Variants in TSPAN9 observed in about 807,000 individuals in gnomAD.
TSPAN9 encodes tetraspanin-9.
TSPAN9 carries 16 observed loss-of-function variants against 31.0 expected under a neutral mutation model. The observed-to-expected ratio is 0.52, with a 90% CI of 0.35 to 0.78. TSPAN9 has a LOEUF of 0.78. Ranked by LOEUF, TSPAN9 falls within the 30% of genes least tolerant of loss-of-function variation. TSPAN9 has a pLI of 0.01. For missense variants in TSPAN9, 272 were observed against 312.5 expected (o/e 0.87, Z 0.98); for synonymous variants, 145 against 121.6 (o/e 1.19, Z -1.27).
At chr12:3,142,270 A>G (rs1000990067) in intron 2 of TSPAN9, among the ~76,000 whole-genome samples, 1 of 152,118 alleles carries the variant, frequency 6.6e-6, no homozygotes, top group Admixed American at 6.5e-5. Context: ...GTCCCCACCC[A>G]GCCACACCAC....
At position 3,145,996 on chromosome 12, in the gene TSPAN9, C is replaced by T. The variant is rs530642712; in HGVS notation, c.-17-55181C>T. Reference sequence around the variant, plus strand: ...GAGCGAGCCACGGGGCACGCGGGGCCTGGCGGTGGCCTTCCACCACGAGGC... The same window carrying T: ...GAGCGAGCCACGGGGCACGCGGGGCTTGGCGGTGGCCTTCCACCACGAGGC... On this transcript the variant is annotated intron_variant, in intron 2 of 8. Coordinates refer to ENST00000011898, the MANE Select transcript of TSPAN9 (RefSeq NM_006675.5). 1.6e-3 allele frequency among the ~76,000 whole-genome samples: 248 copies of T among 152,358 alleles called. 1 individual carries two copies. Among genetic ancestry groups the T allele is most frequent in the African/African-American group, 5.5e-3 (228 of 41,580 alleles).
intron 3 of TSPAN9, among the ~76,000 whole-genome samples, chr12:3,205,833 G>A: frequency 6.6e-6 from 1 of 152,166 alleles, no homozygotes; most frequent in Non-Finnish European, 1.5e-5. Context: ...AAGGGGGACA[G>A]GTGCGGGGCC....
chr12:3,146,826 A>G (rs975426926), intron 2 of TSPAN9, among the ~76,000 whole-genome samples: 8 of 151,872 alleles, frequency 5.3e-5, no homozygotes, highest in Non-Finnish European at 1.0e-4. Flanking sequence ...CTGGGAGGAG[A>G]ATGGTGGTGG....
At chr12:3,098,797 CTGGAGTGCAG>C (rs1565574931) in intron 2 of TSPAN9, among the ~76,000 whole-genome samples, 1 of 150,872 alleles carries the variant, frequency 6.6e-6, no homozygotes, top group Non-Finnish European at 1.5e-5. Context: ...GTTGCCCAGC[CTGGAGTGCAG>C]TGGAGTGATC....
Position 3,158,721 on chromosome 12 carries a change from C to CAAAAA in TSPAN9, c.-17-42438_-17-42434dup, listed in dbSNP as rs765787475. Among the ~76,000 whole-genome samples, 137 of 57,772 alleles carry CAAAAA rather than the reference C, an allele frequency of 2.4e-3. 6 individuals carry two copies. The highest frequency in any genetic ancestry group is 0.012 in the East Asian group (19 of 1,584). 37.9% of individuals were successfully genotyped at this position (57,772 alleles called of 152,430 possible). On this transcript the variant is annotated intron_variant, in intron 2 of 8. Transcript: ENST00000011898. Reference sequence around the variant, plus strand: ...CAGGTGACAGAGCAAGACTCTGTCTCAAAAAAAAAAAAAAAAAAAAAAGCA... The same window carrying CAAAAA: ...CAGGTGACAGAGCAAGACTCTGTCTCAAAAAAAAAAAAAAAAAAAAAAAAAAAGCA...
At chr12:3,211,738 G>A (rs576668017) in intron 3 of TSPAN9, 3 of 1,597,444 alleles carry the variant, frequency 1.9e-6, no homozygotes, top group East Asian at 4.5e-5. Flanking sequence ...AGAGGACAGT[G>A]GAGCAGCCAA....
intron 2 of TSPAN9, among the ~76,000 whole-genome samples, chr12:3,161,897 C>A (rs1276688729): frequency 6.6e-6 from 1 of 152,066 alleles, no homozygotes; most frequent in Non-Finnish European, 1.5e-5. Context: ...CTCACTGCAG[C>A]CTTGAATGCT....
At chr12:3,119,588 C>G (rs1047185440) in intron 2 of TSPAN9, among the ~76,000 whole-genome samples, 1 of 152,196 alleles carries the variant, frequency 6.6e-6, no homozygotes, top group Non-Finnish European at 1.5e-5. Context: ...CCGTCCTGCC[C>G]CTGCCCGGAG....
intron 2 of TSPAN9, 126 bp from the exon 3 acceptor site, chr12:3,201,051 A>AC: frequency 1.2e-6 from 1 of 850,200 alleles, no homozygotes; most frequent in Non-Finnish European, 1.9e-6. Context: ...GGCGCCTTCT[A>AC]CGGCACCGCG....
intron 1 of TSPAN9, among the ~76,000 whole-genome samples, chr12:3,079,615 C>G (rs1026779700): frequency 6.6e-6 from 1 of 152,058 alleles, no homozygotes; most frequent in Non-Finnish European, 1.5e-5. Context: ...GTGCCCGCCA[C>G]CACACCTGGC....
Position 3,158,324 on chromosome 12 carries a change from T to C in TSPAN9, c.-17-42853T>C, listed in dbSNP as rs117134219. Reference sequence around the variant, plus strand: ...CCTTTCCCCAGCACCCCACAGGTCATGTCACACTCCCTTTTCCTATCTCAG... The same window carrying C: ...CCTTTCCCCAGCACCCCACAGGTCACGTCACACTCCCTTTTCCTATCTCAG... On this transcript the variant is annotated intron_variant, in intron 2 of 8. Coordinates refer to ENST00000011898, the MANE Select transcript of TSPAN9 (RefSeq NM_006675.5). 4.6e-3 allele frequency among the ~76,000 whole-genome samples: 705 copies of C among 152,342 alleles called. 11 individuals are homozygous for C. In the East Asian group the frequency reaches 0.052, roughly 11 times the overall value.
intron 2 of TSPAN9, among the ~76,000 whole-genome samples, chr12:3,160,373 T>G (rs1206809758): frequency 6.6e-6 from 1 of 152,238 alleles, no homozygotes; most frequent in Non-Finnish European, 1.5e-5. Context: ...GTTGTTTCAG[T>G]TTTTTGGCTA....
rs192926861 is a variant in TSPAN9, at chr12:3,274,074, A to G, written c.64-4347A>G. 3.2e-3 allele frequency among the ~76,000 whole-genome samples: 494 copies of G among 152,242 alleles called. 3 individuals carry two copies. Among genetic ancestry groups the G allele is most frequent in the African/African-American group, 0.011 (472 of 41,550 alleles). ...CGGGGTTTCTCAAACTCTATTGACA[A>G]TTGGGGCCAGACAGTTCTTGACTGT... is the stretch of plus-strand genomic sequence containing the variant. On this transcript the variant is annotated intron_variant, in intron 3 of 8. Coordinates refer to ENST00000011898, the MANE Select transcript of TSPAN9 (RefSeq NM_006675.5).
chr12:3,141,962 CTCTG>C (rs1292746774), intron 2 of TSPAN9, among the ~76,000 whole-genome samples: 5 of 152,226 alleles, frequency 3.3e-5, no homozygotes, highest in East Asian at 1.9e-4. Context: ...AGCCGACTTC[CTCTG>C]TCTGGCGCTT....
chr12:3,118,256 GTTT>G (rs72307230), intron 2 of TSPAN9, among the ~76,000 whole-genome samples: 193 of 31,524 alleles, frequency 6.1e-3, no homozygotes, highest in Non-Finnish European at 0.01. Context: ...TGCACCCGCC[GTTT>G]TTTTTTTTTT....
chr12:3,264,403 C>T (rs1405314373), intron 3 of TSPAN9, among the ~76,000 whole-genome samples: 2 of 152,198 alleles, frequency 1.3e-5, no homozygotes, highest in African/African-American at 2.4e-5. Context: ...ACTTGTTTTA[C>T]GGTCCAGAGC....
chr12:3,136,757 G>A (rs2098332325), intron 2 of TSPAN9, among the ~76,000 whole-genome samples: 1 of 152,224 alleles, frequency 6.6e-6, no homozygotes, highest in Non-Finnish European at 1.5e-5. Context: ...AACAGGAGCT[G>A]GAGGGAGAGA....
At chr12:3,203,936 G>A (rs2098373458) in intron 3 of TSPAN9, among the ~76,000 whole-genome samples, 1 of 152,202 alleles carries the variant, frequency 6.6e-6, no homozygotes, top group Non-Finnish European at 1.5e-5. Context: ...TGGGGAAGGA[G>A]CAGAGGAAAG....
In TSPAN9 at chr12:3,107,896, A is replaced by T. The variant is rs2098315458; in HGVS notation, c.-18+24177A>T. On this transcript the variant is annotated intron_variant, in intron 2 of 8. Transcript: ENST00000011898. This position sits in a 1 kb window ranked among gnomAD's most constrained non-coding sequence, Gnocchi z 4.1. ...TGTCCAGGCCCCCAAGCCTTTGCACATATTCCTGCTCCCTGGACCAACCTC... is the reference window on the plus strand; with the variant it reads ...TGTCCAGGCCCCCAAGCCTTTGCACTTATTCCTGCTCCCTGGACCAACCTC... Among the ~76,000 whole-genome samples, 1 of 152,160 alleles carries T rather than the reference A, an allele frequency of 6.6e-6. No homozygotes were observed. Among genetic ancestry groups the T allele is most frequent in the Non-Finnish European group, 1.5e-5 (1 of 68,028 alleles).
Sources: gnomAD v4.1 joint callset for allele counts (sites outside exome capture counted in the v4.1 genomes callset) on GRCh38, gnomAD v4.1.1 for gene constraint, Gnocchi (gnomAD v3.1) non-coding constraint, MANE v1.5 for transcripts, NCBI Gene and HGNC (gene_info 2026-07-23, HGNC 2026-07-21) for gene names.